Variants in IGSF11 observed in about 807,000 individuals in gnomAD.
The protein encoded by IGSF11 is immunoglobulin superfamily member 11, also known as CXADR like 1.
Under a neutral mutation model 41.0 loss-of-function variants are expected in IGSF11, and 22 were observed. The ratio of observed to expected loss-of-function variants is 0.54; its 90% CI spans 0.38 to 0.77. The LOEUF (loss-of-function observed/expected upper bound fraction) is 0.77. Ranked by LOEUF, IGSF11 falls within the 30% of genes least tolerant of loss-of-function variation. IGSF11 has a pLI of 0.00. For synonymous variants in IGSF11, 219 were observed against 201.3 expected (o/e 1.09, Z -0.74); for missense variants, 444 against 530.8 (o/e 0.84, Z 1.61).
At chr3:119,074,629 G>A (rs1029600337) in intron 1 of IGSF11, among the ~76,000 whole-genome samples, 4 of 151,240 alleles carry the variant, frequency 2.6e-5, no homozygotes, top group African/African-American at 9.7e-5. Flanking sequence ...GCCGAGGCAG[G>A]TGGATCACAA....
intron 4 of IGSF11, among the ~76,000 whole-genome samples, chr3:118,920,378 A>G (rs1225042240): frequency 3.3e-5 from 5 of 151,752 alleles, no homozygotes; most frequent in East Asian, 1.9e-4. Context: ...AAAACCTCCA[A>G]TAAAATATTA....
intron 1 of IGSF11, among the ~76,000 whole-genome samples, chr3:118,985,401 A>G (rs929397759): frequency 1.3e-5 from 2 of 152,158 alleles, no homozygotes; most frequent in South Asian, 4.1e-4. Context: ...AGACAAGGGG[A>G]TCATTCTACT....
chr3:119,041,579 A>C (rs1941120020), intron 1 of IGSF11, among the ~76,000 whole-genome samples: 2 of 152,156 alleles, frequency 1.3e-5, no homozygotes, highest in African/African-American at 4.8e-5. Flanking sequence ...GCAAGACTCC[A>C]TCTCAAAAAA....
chr3:118,936,752 CCT>C (rs1190355581), intron 1 of IGSF11, among the ~76,000 whole-genome samples: 1 of 152,134 alleles, frequency 6.6e-6, no homozygotes, highest in Non-Finnish European at 1.5e-5. Flanking sequence ...TCTTTAGACT[CCT>C]GTTTCCCAAG....
intron 1 of IGSF11, among the ~76,000 whole-genome samples, chr3:119,057,028 C>A (rs1050952530): frequency 4.3e-4 from 66 of 152,244 alleles, no homozygotes; most frequent in Admixed American, 7.8e-4. Context: ...ACTGAATGGA[C>A]AAAAACTGGA....
chr3:118,922,614 T>A (rs888471593), intron 4 of IGSF11, among the ~76,000 whole-genome samples: 1 of 152,158 alleles, frequency 6.6e-6, no homozygotes, highest in African/African-American at 2.4e-5. Flanking sequence ...ACCACCATTT[T>A]ATTCTCTGTT....
chr3:119,033,358 C>G (rs931431297), intron 1 of IGSF11, among the ~76,000 whole-genome samples: 3 of 152,092 alleles, frequency 2.0e-5, no homozygotes, highest in African/African-American at 7.2e-5. Context: ...AGTAACAGTA[C>G]AAGATACTTG....
intron 1 of IGSF11, among the ~76,000 whole-genome samples, chr3:118,957,042 G>T (rs1447787400): frequency 6.6e-6 from 1 of 152,020 alleles, no homozygotes. Flanking sequence ...CTACAAGCAG[G>T]AGTCCCAGGA....
At chr3:119,091,995 G>A (rs1047148574) in intron 1 of IGSF11, among the ~76,000 whole-genome samples, 4 of 42,502 alleles carry the variant, frequency 9.4e-5, no homozygotes, top group Non-Finnish European at 2.6e-4. Flanking sequence ...GGTTTTTTTG[G>A]GGGGGGGGGG....
chr3:119,048,374 A>G (rs568370998), intron 1 of IGSF11, among the ~76,000 whole-genome samples: 2 of 152,326 alleles, frequency 1.3e-5, no homozygotes, highest in African/African-American at 4.8e-5. Context: ...AAACACCTCT[A>G]CGCAAATAAA....
chr3:119,064,671 C>T (rs1224911597), intron 1 of IGSF11, among the ~76,000 whole-genome samples: 1 of 151,976 alleles, frequency 6.6e-6, no homozygotes, highest in Non-Finnish European at 1.5e-5. Flanking sequence ...AAGAACATGG[C>T]ATATCAATCA....
chr3:119,119,754 G>C (rs2077307585), intron 1 of IGSF11, among the ~76,000 whole-genome samples: 1 of 152,138 alleles, frequency 6.6e-6, no homozygotes, highest in African/African-American at 2.4e-5. Context: ...TCAGAACTCA[G>C]CTTAGCAGGT....
chr3:119,042,995 C>A (rs574860908), intron 1 of IGSF11, among the ~76,000 whole-genome samples: 2 of 152,146 alleles, frequency 1.3e-5, no homozygotes, highest in African/African-American at 2.4e-5. Flanking sequence ...CTTGGCCTAA[C>A]GGATTCCAGG....
At chr3:118,945,269 A>G (rs1944029616) in intron 1 of IGSF11, among the ~76,000 whole-genome samples, 1 of 152,236 alleles carries the variant, frequency 6.6e-6, no homozygotes, top group African/African-American at 2.4e-5. Context: ...TCGTCCCAGT[A>G]GCATCAAACT....
intron 1 of IGSF11, among the ~76,000 whole-genome samples, chr3:119,025,049 A>G (rs1271978459): frequency 2.6e-5 from 4 of 152,208 alleles, no homozygotes; most frequent in Non-Finnish European, 5.9e-5. Context: ...TTCGAATGAC[A>G]TTTTGTAATC....
chr3:119,121,885 G>A (rs529026948), intron 1 of IGSF11, among the ~76,000 whole-genome samples: 99 of 152,206 alleles, frequency 6.5e-4, no homozygotes, highest in African/African-American at 2.0e-3. Flanking sequence ...AAACCATGGG[G>A]GCCAGAAGAC....
intron 1 of IGSF11, among the ~76,000 whole-genome samples, chr3:119,050,760 T>C (rs966561526): frequency 1.9e-4 from 29 of 151,104 alleles, no homozygotes; most frequent in South Asian, 1.9e-3. Context: ...TGTCCAACAA[T>C]GATAGACTGG....
chr3:119,015,784 G>A (rs1290768402), intron 1 of IGSF11, among the ~76,000 whole-genome samples: 2 of 151,986 alleles, frequency 1.3e-5, no homozygotes, highest in African/African-American at 4.8e-5. Context: ...GTTAAGAGCT[G>A]GGGGAAAGGA....
intron 1 of IGSF11, among the ~76,000 whole-genome samples, chr3:119,073,951 G>A (rs879619686): frequency 5.3e-5 from 8 of 152,220 alleles, no homozygotes; most frequent in South Asian, 2.1e-4. Flanking sequence ...CTGCCAGCAC[G>A]CTGTCACCTC....
Sources: gnomAD v4.1 joint callset for allele counts (sites outside exome capture counted in the v4.1 genomes callset) on GRCh38, gnomAD v4.1.1 for gene constraint, MANE v1.5 for transcripts, NCBI Gene and HGNC (gene_info 2026-07-23, HGNC 2026-07-21) for gene names.